Variants in REEP1 observed in about 807,000 individuals in gnomAD.
The protein encoded by REEP1 is receptor accessory protein 1.
REEP1 carries 22 observed loss-of-function variants against 40.3 expected under a neutral mutation model. That is an observed-to-expected ratio of 0.55 (90% CI 0.39 to 0.78). The LOEUF (loss-of-function observed/expected upper bound fraction) is 0.78, where lower values mean the gene tolerates loss of function less well. REEP1 is among the 30% of genes least tolerant of loss of function. The probability of loss-of-function intolerance (pLI) is 0.00; values close to 1 mark genes in which losing one functional copy is unlikely to be tolerated. For synonymous variants in REEP1, 116 were observed against 139.2 expected, an observed-to-expected ratio of 0.83 and a Z score of 1.17; for missense variants, 280 against 361.1, an observed-to-expected ratio of 0.78 and a Z score of 1.82.
chr2:86,335,502 G>C (rs981007035), intron 1 of REEP1, among the ~76,000 whole-genome samples: 2 of 152,094 alleles, frequency 1.3e-5, no homozygotes, highest in African/African-American at 4.8e-5. Context: ...ACATCCCTGA[G>C]ACACCTCCCA....
chr2:86,277,353 CA>C (rs1677816416), intron 2 of REEP1, among the ~76,000 whole-genome samples: 1 of 151,972 alleles, frequency 6.6e-6, no homozygotes, highest in South Asian at 2.1e-4. Context: ...GTCAGGAGTT[CA>C]AGACCAGCCT....
At chr2:86,227,776 C>A (rs1246229761) in intron 6 of REEP1, among the ~76,000 whole-genome samples, 1 of 152,206 alleles carries the variant, frequency 6.6e-6, no homozygotes, top group Admixed American at 6.5e-5. Flanking sequence ...TACCTCTGAA[C>A]CCCAAAGTGC....
intron 1 of REEP1, among the ~76,000 whole-genome samples, chr2:86,285,959 C>G (rs910378909): frequency 2.6e-5 from 4 of 152,186 alleles, no homozygotes; most frequent in Non-Finnish European, 5.9e-5. Flanking sequence ...AGACCAGGCT[C>G]TGCACTAACA....
At chr2:86,321,034 C>G (rs1680253150) in intron 1 of REEP1, among the ~76,000 whole-genome samples, 1 of 152,180 alleles carries the variant, frequency 6.6e-6, no homozygotes, top group African/African-American at 2.4e-5. Context: ...CCAGGCTGGT[C>G]TTGAACTCCT....
At chr2:86,237,253 T>C (rs894109081) in intron 5 of REEP1, among the ~76,000 whole-genome samples, 2 of 152,160 alleles carry the variant, frequency 1.3e-5, no homozygotes, top group Non-Finnish European at 2.9e-5. Flanking sequence ...CTAACACATA[T>C]CTCACTGACA....
chr2:86,284,342 A>T (rs1678270257), intron 1 of REEP1, among the ~76,000 whole-genome samples: 1 of 36,152 alleles, frequency 2.8e-5, no homozygotes, highest in South Asian at 1.3e-3. Context: ...CGTCTCTCCC[A>T]CAAGACTGTG....
intron 1 of REEP1, among the ~76,000 whole-genome samples, chr2:86,290,689 C>T (rs952670195): frequency 5.9e-5 from 9 of 152,182 alleles, no homozygotes; most frequent in African/African-American, 2.2e-4. Context: ...ACGCTGTGGG[C>T]CTGGGATCTA....
intron 6 of REEP1, among the ~76,000 whole-genome samples, chr2:86,230,655 T>C (rs1434327706): frequency 1.3e-5 from 2 of 152,196 alleles, no homozygotes; most frequent in South Asian, 2.1e-4. Context: ...AGAACAATGA[T>C]AACAGCTACT....
At chr2:86,299,654 G>A (rs1409647400) in intron 1 of REEP1, among the ~76,000 whole-genome samples, 2 of 152,012 alleles carry the variant, frequency 1.3e-5, no homozygotes, top group Non-Finnish European at 2.9e-5. Context: ...ACAATACTGC[G>A]TTCATCTTAT....
chr2:86,307,557 G>A (rs1679553817), intron 1 of REEP1, among the ~76,000 whole-genome samples: 1 of 152,106 alleles, frequency 6.6e-6, no homozygotes. Flanking sequence ...GAGCCCAAAC[G>A]TTTGAGACCC....
At chr2:86,291,342 G>A (rs1315467247) in intron 1 of REEP1, among the ~76,000 whole-genome samples, 1 of 152,176 alleles carries the variant, frequency 6.6e-6, no homozygotes, top group Non-Finnish European at 1.5e-5. Flanking sequence ...TAATTTTAGG[G>A]TTTCAAGCAC....
chr2:86,223,127 C>T (rs1487632098), intron 7 of REEP1, among the ~76,000 whole-genome samples: 1 of 152,220 alleles, frequency 6.6e-6, no homozygotes, highest in African/African-American at 2.4e-5. Flanking sequence ...ACTATGATGC[C>T]CAAAGCTGGG....
chr2:86,241,358 G>A (rs536817425), intron 5 of REEP1, among the ~76,000 whole-genome samples: 1 of 152,306 alleles, frequency 6.6e-6, no homozygotes, highest in Admixed American at 6.5e-5. Context: ...GCACGTGATC[G>A]AGCTTTACAG....
chr2:86,255,137 A>ATAAGGC (rs1392908182), intron 3 of REEP1: 4 of 286,890 alleles, frequency 1.4e-5, no homozygotes, highest in Non-Finnish European at 2.7e-5. Flanking sequence ...GCTCATTTAG[A>ATAAGGC]TTGGAGCTAG....
At chr2:86,228,137 G>A (rs1674814563) in intron 6 of REEP1, among the ~76,000 whole-genome samples, 1 of 152,186 alleles carries the variant, frequency 6.6e-6, no homozygotes, top group African/African-American at 2.4e-5. Context: ...CCTGGGTGCT[G>A]AAAGCAACAG....
chr2:86,245,519 A>G (rs1574025713), intron 5 of REEP1, among the ~76,000 whole-genome samples: 1 of 152,150 alleles, frequency 6.6e-6, no homozygotes, highest in African/African-American at 2.4e-5. Flanking sequence ...TATAGATTGC[A>G]CCTATGACGC....
In REEP1 at chr2:86,318,400, C is replaced by CT. The variant is rs775382572; in HGVS notation, c.32+19078dup. ...AAGTAGTTTTCTTTTCTTTTCTTTT[C>CT]TTTTTTTTTTTTTTTTGAGATAGAG... On this transcript the variant is annotated intron_variant, in intron 1 of 8. Transcript: ENST00000538924. 2.9e-3 allele frequency among the ~76,000 whole-genome samples: 153 copies of CT among 52,910 alleles called. 2 individuals are homozygous for CT. Among genetic ancestry groups the CT allele is most frequent in the South Asian group, 0.021 (36 of 1,716 alleles). 34.7% of individuals were successfully genotyped at this position (52,910 alleles called of 152,430 possible). A position where few individuals can be genotyped will look rare whatever the true frequency, so the allele number is the denominator to read the frequency against.
At chr2:86,242,194 T>C (rs1239446157) in intron 5 of REEP1, among the ~76,000 whole-genome samples, 2 of 152,182 alleles carry the variant, frequency 1.3e-5, no homozygotes, top group Non-Finnish European at 2.9e-5. Flanking sequence ...GCAGGTACTA[T>C]GATCATCCCT....
intron 2 of REEP1, among the ~76,000 whole-genome samples, chr2:86,274,429 C>T (rs1404505479): frequency 6.6e-6 from 1 of 152,128 alleles, no homozygotes; most frequent in Non-Finnish European, 1.5e-5. Context: ...CCATGATGCA[C>T]TCCTTTGAAA....
Sources: allele counts gnomAD v4.1 joint callset (sites outside exome capture counted in the v4.1 genomes callset), GRCh38; gene constraint gnomAD v4.1.1; transcripts MANE v1.5; gene names NCBI Gene and HGNC (gene_info 2026-07-23, HGNC 2026-07-21).